Variants in ITFG2 observed in about 807,000 individuals in gnomAD.
ITFG2 encodes the protein KICSTOR complex protein ITFG2.
A neutral mutation model predicts 54.4 loss-of-function variants in ITFG2; 36 were observed. That is an observed-to-expected ratio of 0.66 (90% confidence interval 0.51 to 0.87). ITFG2 has a LOEUF of 0.87. Ranked by LOEUF, ITFG2 falls within the 40% of genes least tolerant of loss-of-function variation. ITFG2 has a pLI of 0.00. For synonymous variants in ITFG2, 211 were observed against 225.4 expected, an observed-to-expected ratio of 0.94 and a Z score of 0.57; for missense variants, 524 against 576.7, an observed-to-expected ratio of 0.91 and a Z score of 0.94.
At chr12:2,817,379 CT>C in intron 2 of ITFG2, 61 bp downstream of exon 2, 1 of 1,192,214 alleles carries the variant, frequency 8.4e-7, no homozygotes. Flanking sequence ...CAGGGACCAC[CT>C]AGGGTGAGCC....
intron 1 of ITFG2, among the ~76,000 whole-genome samples, chr12:2,815,123 C>T (rs550191574): frequency 2.2e-4 from 34 of 152,074 alleles, no homozygotes; most frequent in Admixed American, 5.9e-4. Flanking sequence ...GGATTACAGG[C>T]GTGAGCCACC....
chr12:2,819,854 T>G, intron 4 of ITFG2: 4 of 372,992 alleles, frequency 1.1e-5, no homozygotes, highest in Non-Finnish European at 4.8e-6. Context: ...TTGAGTTGCA[T>G]GTTTGAGAAG....
chr12:2,839,914 G>T (rs935505224), intron 1 of ITFG2, among the ~76,000 whole-genome samples: 2 of 152,076 alleles, frequency 1.3e-5, no homozygotes, highest in African/African-American at 4.8e-5. Context: ...GAGTACAAAT[G>T]GACACGAAGA....
intron 1 of ITFG2, among the ~76,000 whole-genome samples, chr12:2,839,377 A>G (rs2098035749): frequency 6.6e-6 from 1 of 152,232 alleles, no homozygotes; most frequent in Non-Finnish European, 1.5e-5. Flanking sequence ...TCGTCCAACT[A>G]TTCAGGAAGA....
At chr12:2,822,363 C>G (rs2097948290) in intron 9 of ITFG2, among the ~76,000 whole-genome samples, 1 of 152,160 alleles carries the variant, frequency 6.6e-6, no homozygotes, top group South Asian at 2.1e-4. Flanking sequence ...AGAAAAGTTA[C>G]TGTAAGAGCC....
intron 3 of ITFG2, chr12:2,858,461 CA>C: frequency 3.4e-6 from 2 of 589,826 alleles, no homozygotes; most frequent in Non-Finnish European, 6.0e-6. Flanking sequence ...TCTTGGGGAA[CA>C]CAAGGTCCCA....
upstream of ITFG2, chr12:2,834,908 G>T (rs774536426): frequency 1.2e-6 from 2 of 1,613,786 alleles, no homozygotes; most frequent in South Asian, 2.2e-5. Context: ...CTTCCTGCCT[G>T]TCTCTGTCCC....
chr12:2,855,123 G>T (rs1220375641), intron 2 of ITFG2: 3 of 1,533,390 alleles, frequency 2.0e-6, no homozygotes, highest in Non-Finnish European at 2.6e-6. Flanking sequence ...CCGTGGGGGG[G>T]CATCTGTGGG....
At chr12:2,839,002 A>C (rs1243328505) in intron 1 of ITFG2, among the ~76,000 whole-genome samples, 1 of 152,092 alleles carries the variant, frequency 6.6e-6, no homozygotes, top group East Asian at 1.9e-4. Flanking sequence ...AAAAAAAAAA[A>C]ACAATTTAGC....
At chr12:2,859,036 CT>C in intron 3 of ITFG2, 1 of 1,610,100 alleles carries the variant, frequency 6.2e-7, no homozygotes. Flanking sequence ...AGTCCCCCTA[CT>C]TTGGCTGGGG....
intron 2 of ITFG2, chr12:2,830,488 G>A (rs548220370): frequency 4.0e-6 from 2 of 494,778 alleles, no homozygotes; most frequent in East Asian, 3.4e-5. Context: ...ACCAAGGAAG[G>A]GGGGCAGAGT....
At chr12:2,832,201 TAAAAC>T (rs1234547577), upstream of ITFG2, among the ~76,000 whole-genome samples, 3 of 152,134 alleles carry the variant, frequency 2.0e-5, no homozygotes, top group African/African-American at 7.2e-5. Context: ...AGCACCAAAG[TAAAAC>T]ATGAAACTAA....
chr12:2,858,664 A>G (rs1216720660), intron 3 of ITFG2: 1 of 1,614,036 alleles, frequency 6.2e-7, no homozygotes, highest in Admixed American at 1.7e-5. Context: ...ATAAACTGGG[A>G]CCAGTTGATG....
At chr12:2,856,331 C>G (rs1376717664) in intron 2 of ITFG2, among the ~76,000 whole-genome samples, 1 of 152,114 alleles carries the variant, frequency 6.6e-6, no homozygotes, top group Non-Finnish European at 1.5e-5. Flanking sequence ...AAATGTGCCT[C>G]TTTTAAAATG....
chr12:2,815,427 C>G (rs529123400), intron 1 of ITFG2, among the ~76,000 whole-genome samples: 2 of 152,378 alleles, frequency 1.3e-5, no homozygotes, highest in East Asian at 1.9e-4. Context: ...TTCTCTAGAG[C>G]TTAGCCATCA....
intron 2 of ITFG2, among the ~76,000 whole-genome samples, chr12:2,844,272 G>A (rs1362952272): frequency 1.3e-5 from 2 of 151,682 alleles, no homozygotes; most frequent in Non-Finnish European, 2.9e-5. Flanking sequence ...AATAAAATAA[G>A]GCTGGGCATG....
At chr12:2,827,670 C>CT, downstream of ITFG2, 1 of 1,614,146 alleles carries the variant, frequency 6.2e-7, no homozygotes, top group East Asian at 2.2e-5. The surrounding 1 kb of genome is among the most constrained non-coding windows in gnomAD (Gnocchi z 4.0). Context: ...ATTCAGGACT[C>CT]TCAGCATCTA....
intron 9 of ITFG2, among the ~76,000 whole-genome samples, chr12:2,822,307 T>C (rs915496527): frequency 2.6e-5 from 4 of 152,224 alleles, no homozygotes; most frequent in African/African-American, 9.7e-5. Flanking sequence ...ACTGTGCTGT[T>C]AGAAGTCTGT....
At chr12:2,833,673 T>C (rs969504948), upstream of ITFG2, among the ~76,000 whole-genome samples, 1 of 152,134 alleles carries the variant, frequency 6.6e-6, no homozygotes, top group Admixed American at 6.5e-5. Flanking sequence ...ATTTCCTCTC[T>C]TCCACGGGTC....
Sources: gnomAD v4.1 joint callset for allele counts (sites outside exome capture counted in the v4.1 genomes callset) on GRCh38, gnomAD v4.1.1 for gene constraint, Gnocchi (gnomAD v3.1) non-coding constraint, MANE v1.5 for transcripts, NCBI Gene and HGNC (gene_info 2026-07-23, HGNC 2026-07-21) for gene names.